RBBP5: variants seen among roughly 807,000 people sequenced by gnomAD.
The protein encoded by RBBP5 is retinoblastoma-binding protein 5.
In RBBP5, 5 loss-of-function variants were observed where a neutral mutation model predicts 72.2. The ratio of observed to expected loss-of-function variants is 0.07; its 90% confidence interval spans 0.04 to 0.15. RBBP5 has a LOEUF of 0.15. Among genes scored for constraint, RBBP5 ranks in the 10% least tolerant of loss-of-function variants. The pLI, the probability that RBBP5 is intolerant of heterozygous loss-of-function variation, is 1.00. For synonymous variants in RBBP5, 209 were observed against 237.2 expected (o/e 0.88, Z 1.09); for missense variants, 322 against 652.2 (o/e 0.49, Z 5.51).
At chr1:205,111,797 T>C (rs1432010668) in intron 3 of RBBP5, among the ~76,000 whole-genome samples, 1 of 152,166 alleles carries the variant, frequency 6.6e-6, no homozygotes, top group Non-Finnish European at 1.5e-5. Flanking sequence ...AGAGTACATA[T>C]GAGCTAGGAA....
intron 1 of RBBP5, 138 bp from the exon 2 acceptor site, chr1:205,116,021 A>G: frequency 6.4e-7 from 1 of 1,563,120 alleles, no homozygotes; most frequent in Non-Finnish European, 8.7e-7. Flanking sequence ...ATGAGGCCAT[A>G]CGGATTTTCA....
chr1:205,121,858 G>A lies in RBBP5; in HGVS notation c.16C>T (p.Leu6=). Residue 6 remains leucine (L), a synonymous_variant, in exon 1 of 14, where the codon CTG becomes TTG. Coordinates refer to ENST00000264515, the MANE Select transcript of RBBP5 (RefSeq NM_005057.4). ...ACGCAGCCACAGCCCTTCTCACCCA[G>A]CAACTCGAGGTTCATCCCTGCGGAC... The part of the protein sequence containing the change: MNLEL[L]ESFGQNYPEE... 1.2e-5 allele frequency: 20 copies of A among 1,612,030 alleles called. No individual in the cohort carries two copies. Among genetic ancestry groups the A allele is most frequent in the Non-Finnish European group, 1.6e-5 (19 of 1,179,992 alleles).
intron 1 of RBBP5, among the ~76,000 whole-genome samples, chr1:205,121,243 G>A (rs1201782662): frequency 2.0e-5 from 3 of 152,136 alleles, no homozygotes; most frequent in African/African-American, 7.2e-5. Context: ...AAGTGAGGGC[G>A]ACAAAAGACA....
chr1:205,098,778 G>C (rs1043472769), intron 10 of RBBP5, among the ~76,000 whole-genome samples: 1 of 148,986 alleles, frequency 6.7e-6, no homozygotes, highest in African/African-American at 2.5e-5. Flanking sequence ...CCAGGGGGCA[G>C]AGGTTGCAGT....
intron 11 of RBBP5, 134 bp downstream of exon 11, chr1:205,097,192 G>T: frequency 1.1e-6 from 1 of 884,588 alleles, no homozygotes; most frequent in Non-Finnish European, 1.7e-6. Flanking sequence ...TGGATTTCTT[G>T]TACACCAAAC....
chr1:205,104,466 T>C (rs117797774), intron 4 of RBBP5, among the ~76,000 whole-genome samples: 2 of 151,952 alleles, frequency 1.3e-5, no homozygotes, highest in Non-Finnish European at 2.9e-5. Context: ...GAGGGTGCAG[T>C]AAGCTGAGAC....
At chr1:205,100,587 G>C (rs536295017) in intron 6 of RBBP5, among the ~76,000 whole-genome samples, 4 of 151,964 alleles carry the variant, frequency 2.6e-5, no homozygotes, top group African/African-American at 9.7e-5. Context: ...TCTCTGGCCT[G>C]TTTTACACAT....
Position 205,105,093 on chromosome 1 carries a change from G to C in RBBP5, c.294C>G (p.Gly98=). 1.9e-6 allele frequency: 3 copies of C among 1,613,900 alleles called. No individual in the cohort carries two copies. In the East Asian group the frequency reaches 6.7e-5, roughly 36 times the overall value. The change falls in exon 4 of 14, where the codon GGC becomes GGG. Residue 98 remains glycine, a synonymous_variant. Coordinates refer to ENST00000264515, the MANE Select transcript of RBBP5 (RefSeq NM_005057.4). The part of the protein sequence containing the change: ...NIVSQWDVLS[G]DCDQRFRFPS... ...GGAATCGAAACCTCTGGTCACAGTC[G>C]CCTGAAAGAACATCCCACTGTGACA...
At chr1:205,111,880 T>C (rs1399838197) in intron 3 of RBBP5, among the ~76,000 whole-genome samples, 1 of 152,148 alleles carries the variant, frequency 6.6e-6, no homozygotes, top group East Asian at 1.9e-4. Flanking sequence ...TCATATCGTA[T>C]GTCCCATACC....
chr1:205,118,342 C>T (rs1412827757), intron 1 of RBBP5, among the ~76,000 whole-genome samples: 2 of 151,870 alleles, frequency 1.3e-5, no homozygotes, highest in Admixed American at 6.6e-5. Context: ...CCAGGTGCAG[C>T]GGCTCACGCC....
At chr1:205,121,405 T>C (rs1277724379) in intron 1 of RBBP5, among the ~76,000 whole-genome samples, 1 of 152,220 alleles carries the variant, frequency 6.6e-6, no homozygotes, top group Non-Finnish European at 1.5e-5. Flanking sequence ...ATTCATCTGT[T>C]CAATGAGAAG....
chr1:205,093,322 A>G (rs1392434741), intron 13 of RBBP5, among the ~76,000 whole-genome samples: 1 of 150,490 alleles, frequency 6.6e-6, no homozygotes, highest in African/African-American at 2.4e-5. Context: ...TTAGCCAAGC[A>G]TGGTGGTGCA....
At chr1:205,093,657 C>T (rs1055949671) in intron 13 of RBBP5, among the ~76,000 whole-genome samples, 2 of 148,924 alleles carry the variant, frequency 1.3e-5, no homozygotes, top group African/African-American at 2.5e-5. Flanking sequence ...TAAATGTTGT[C>T]GGGAAAAAAA....
chr1:205,114,999 T>C (rs780787339), intron 2 of RBBP5, 38 bp from the exon 3 acceptor site: 12 of 1,504,728 alleles, frequency 8.0e-6, no homozygotes, highest in East Asian at 7.2e-5. Context: ...GAGGCAACAA[T>C]AGCCAGGTAT....
In RBBP5 at chr1:205,105,090, G is replaced by A; in HGVS notation, c.297C>T (p.Asp99=). 1 of 1,613,984 alleles carries A rather than the reference G, an allele frequency of 6.2e-7. No individual in the cohort carries two copies. The highest frequency in any genetic ancestry group is 1.1e-5 in the South Asian group (1 of 91,084). ...IVSQWDVLSG[D]CDQRFRFPSP... ...AAGGGAATCGAAACCTCTGGTCACA[G>A]TCGCCTGAAAGAACATCCCACTGTG... The change falls in exon 4 of 14, where the codon GAC becomes GAT. Residue 99 remains aspartate, a synonymous_variant. Transcript: ENST00000264515.
At chr1:205,121,743 G>T in intron 1 of RBBP5, 112 bp downstream of exon 1, 1 of 1,530,634 alleles carries the variant, frequency 6.5e-7, no homozygotes, top group Non-Finnish European at 9.0e-7. Context: ...TGTGCCCAGT[G>T]ATCCATAGCC....
Position 205,099,997 on chromosome 1 carries a change from G to A in RBBP5, c.820C>T (p.His274Tyr), listed in dbSNP as rs1378091968. Reference protein sequence around the residue: ...EYIVAGSARQHALYIWEKSIG... With the variant: ...EYIVAGSARQYALYIWEKSIG... ...CTCTTCTCCCAGATGTACAGGGCAT[G>A]CTGCCGGGCAGAACCTGCCACGATG... The change falls in exon 8 of 14, where the codon CAT becomes TAT. Residue 274 changes from histidine to tyrosine, a missense_variant. His to Tyr is a moderately conservative substitution (Grantham distance 83). Coordinates refer to ENST00000264515, the MANE Select transcript of RBBP5 (RefSeq NM_005057.4). The surrounding 1 kb of genome is among the most constrained non-coding windows in gnomAD (Gnocchi z 4.7). The A allele has an allele frequency of 6.2e-7, 1 of 1,614,064 alleles. No homozygotes were observed. Among genetic ancestry groups the A allele is most frequent in the Non-Finnish European group, 8.5e-7 (1 of 1,180,042 alleles).
chr1:205,103,223 C>CAAAAAAAAAAAAAAAAAAAAAAAAAAA (rs35295093), intron 5 of RBBP5, among the ~76,000 whole-genome samples: 1 of 91,404 alleles, frequency 1.1e-5, no homozygotes, highest in African/African-American at 4.3e-5. Context: ...GACTCCATCT[C>CAAAAAAAAAAAAAAAAAAAAAAAAAAA]AAAAAAAAAA....
chr1:205,088,726 CCA>C lies in RBBP5; in HGVS notation c.*59_*60del. On this transcript the variant is annotated 3_prime_UTR_variant, in exon 14 of 14. Transcript: ENST00000264515. ...TTAAAGTCAATTTTCAAATGACTGA[CCA>C]CAGTGTCCAGAGGCCACATGATGGC... The C allele has an allele frequency of 2.7e-6, 4 of 1,506,540 alleles. No homozygotes were observed. The highest frequency in any genetic ancestry group is 1.7e-4 in the Middle Eastern group (1 of 5,844). 93.3% of individuals were successfully genotyped at this position (1,506,540 alleles called of 1,614,324 possible).
Sources: gnomAD v4.1 joint callset for allele counts (sites outside exome capture counted in the v4.1 genomes callset) on GRCh38, gnomAD v4.1.1 for gene constraint, Gnocchi (gnomAD v3.1) non-coding constraint, MANE v1.5 for transcripts, NCBI Gene and HGNC (gene_info 2026-07-23, HGNC 2026-07-21) for gene names.